The following RIMS2 variants were observed in gnomAD, a reference collection of about 807,000 sequenced individuals.
The protein encoded by RIMS2 is regulating synaptic membrane exocytosis protein 2.
Under a neutral mutation model 174.4 loss-of-function variants are expected in RIMS2, and 59 were observed. The observed-to-expected ratio is 0.34, with a 90% CI of 0.27 to 0.42. The LOEUF is 0.42. Among genes scored for constraint, RIMS2 ranks in the 10% least tolerant of loss-of-function variants. The pLI, the probability that RIMS2 is intolerant of heterozygous loss-of-function variation, is 1.00. For missense variants in RIMS2, 1,620 were observed against 1,666.3 expected (o/e 0.97, Z 0.48); for synonymous variants, 606 against 572.5 (o/e 1.06, Z -0.84).
At chr8:104,171,536 A>T (rs991747073) in intron 19 of RIMS2, among the ~76,000 whole-genome samples, 2 of 151,366 alleles carry the variant, frequency 1.3e-5, no homozygotes, top group African/African-American at 4.9e-5. Flanking sequence ...AAAATTTTTC[A>T]TTTGTATCCT....
rs79871145 is a variant in RIMS2 at position 103,862,710 on chromosome 8, T to C, written c.699-22588T>C. Among the ~76,000 whole-genome samples the C allele has an allele frequency of 9.1e-3, 1,383 of 152,216 alleles. 11 individuals are homozygous for C. The highest frequency in any genetic ancestry group is 0.015 in the Non-Finnish European group (992 of 67,994). On this transcript the variant is annotated intron_variant, in intron 3 of 23. Coordinates refer to ENST00000504942, the Ensembl canonical transcript of RIMS2. ...CTTCTTTGTTAAGTGTATTCCTAGG[T>C]ATTTTATTTTGTTGTGGCTATTGTA...
At chr8:103,739,567 T>C (rs1448418509) in intron 2 of RIMS2, among the ~76,000 whole-genome samples, 1 of 152,192 alleles carries the variant, frequency 6.6e-6, no homozygotes, top group African/African-American at 2.4e-5. Flanking sequence ...TTTAAAATTT[T>C]AAAAATTGTG....
At chr8:103,987,806 T>C (rs1018017042) in intron 16 of RIMS2, among the ~76,000 whole-genome samples, 14 of 152,296 alleles carry the variant, frequency 9.2e-5, no homozygotes, top group Non-Finnish European at 1.8e-4. Context: ...GAGTAATTAC[T>C]AATTGGAAAA....
intron 1 of RIMS2, among the ~76,000 whole-genome samples, chr8:103,614,566 G>A (rs2095462515): frequency 6.6e-6 from 1 of 152,224 alleles, no homozygotes; most frequent in African/African-American, 2.4e-5. Flanking sequence ...TTGGAATTTG[G>A]TATTCATGCA....
chr8:104,151,294 C>T (rs1342003723), intron 19 of RIMS2, among the ~76,000 whole-genome samples: 4 of 152,172 alleles, frequency 2.6e-5, no homozygotes, highest in African/African-American at 9.7e-5. Flanking sequence ...GTGGTTGCGG[C>T]ATGGTGACTG....
At chr8:104,035,253 T>G (rs1003434270) in intron 19 of RIMS2, among the ~76,000 whole-genome samples, 8 of 78,134 alleles carry the variant, frequency 1.0e-4, no homozygotes, top group Non-Finnish European at 1.8e-4. Flanking sequence ...AAAATAACTG[T>G]TTTTTTTTTT....
intron 19 of RIMS2, among the ~76,000 whole-genome samples, chr8:104,128,003 C>T (rs1180085400): frequency 6.6e-6 from 1 of 152,080 alleles, no homozygotes; most frequent in African/African-American, 2.4e-5. Context: ...CTCATGTAGC[C>T]TAAGGTTCTA....
intron 19 of RIMS2, among the ~76,000 whole-genome samples, chr8:104,220,636 T>C (rs1026055): frequency 0.33 from 50,468 of 151,978 alleles, 8,656 homozygotes; most frequent in African/African-American, 0.42. Flanking sequence ...CCCACTCTGT[T>C]ACCCAGGCTG....
intron 19 of RIMS2, among the ~76,000 whole-genome samples, chr8:104,119,189 CAA>C (rs781545557): frequency 7.1e-6 from 1 of 140,088 alleles, no homozygotes; most frequent in Non-Finnish European, 1.6e-5. Context: ...TACTTAAAAA[CAA>C]AAAAAAAAAA....
chr8:104,235,697 G>T (rs1244503541), intron 19 of RIMS2, among the ~76,000 whole-genome samples: 1 of 151,632 alleles, frequency 6.6e-6, no homozygotes, highest in Non-Finnish European at 1.5e-5. Flanking sequence ...CCACATACAC[G>T]TGGTATGTAT....
At chr8:103,630,225 A>G (rs1467218109) in intron 1 of RIMS2, among the ~76,000 whole-genome samples, 1 of 152,140 alleles carries the variant, frequency 6.6e-6, no homozygotes, top group Non-Finnish European at 1.5e-5. Flanking sequence ...GACTAGAAGA[A>G]CAATAGCAGA....
At chr8:103,526,863 G>T (rs939317907) in intron 1 of RIMS2, among the ~76,000 whole-genome samples, 2 of 152,032 alleles carry the variant, frequency 1.3e-5, no homozygotes, top group Non-Finnish European at 2.9e-5. Context: ...TAATGGCTGA[G>T]AACTTTTTCA....
At chr8:103,814,741 T>C (rs1253126038) in intron 3 of RIMS2, among the ~76,000 whole-genome samples, 2 of 152,024 alleles carry the variant, frequency 1.3e-5, no homozygotes, top group East Asian at 3.9e-4. Context: ...TATTCAGGCA[T>C]GATGGTGCAC....
At position 103,631,295 on chromosome 8, in the gene RIMS2, T is replaced by C. The variant is rs1469051697; in HGVS notation, c.177-65791T>C. Among the ~76,000 whole-genome samples the C allele has an allele frequency of 2.6e-5, 4 of 152,264 alleles. No homozygotes were observed. In the East Asian group the frequency reaches 7.7e-4, roughly 29 times the overall value. On this transcript the variant is annotated intron_variant, in intron 1 of 23. Coordinates refer to ENST00000504942, the Ensembl canonical transcript of RIMS2. Reference sequence around the variant, plus strand: ...TTAATCCATCTTGAGTTGATTGTTGTATACAGTGTAAGGAAGGGGTAAGGA... The same window carrying C: ...TTAATCCATCTTGAGTTGATTGTTGCATACAGTGTAAGGAAGGGGTAAGGA...
chr8:103,581,766 C>T (rs28626315), intron 1 of RIMS2, among the ~76,000 whole-genome samples: 27,705 of 152,116 alleles, frequency 0.18, 2,770 homozygotes, highest in African/African-American at 0.26. Flanking sequence ...TAGAAGCCTC[C>T]ACCAATCATC....
chr8:104,165,000 A>G (rs748771016), intron 19 of RIMS2, among the ~76,000 whole-genome samples: 1 of 152,206 alleles, frequency 6.6e-6, no homozygotes, highest in Non-Finnish European at 1.5e-5. Flanking sequence ...TCATATAACT[A>G]AATACATATG....
At chr8:103,927,147 T>A (rs1329989412) in intron 10 of RIMS2, among the ~76,000 whole-genome samples, 2 of 151,500 alleles carry the variant, frequency 1.3e-5, no homozygotes, top group African/African-American at 4.8e-5. Context: ...AGAAACAAGA[T>A]ATTGTCATTA....
intron 1 of RIMS2, among the ~76,000 whole-genome samples, chr8:103,629,200 G>A (rs2095855762): frequency 6.6e-6 from 1 of 152,176 alleles, no homozygotes. Context: ...TCCCCATGAT[G>A]CAATAATGAG....
intron 19 of RIMS2, among the ~76,000 whole-genome samples, chr8:104,104,406 A>C (rs370058218): frequency 1.3e-5 from 2 of 152,148 alleles, no homozygotes; most frequent in Admixed American, 6.5e-5. Flanking sequence ...TTTATTGAGG[A>C]GTGGGAGTTT....
Sources: allele counts gnomAD v4.1 joint callset (sites outside exome capture counted in the v4.1 genomes callset), GRCh38; gene constraint gnomAD v4.1.1; transcripts MANE v1.5; gene names NCBI Gene and HGNC (gene_info 2026-07-23, HGNC 2026-07-21).